Variants in CDH12 observed in about 807,000 individuals in gnomAD.
CDH12 encodes the protein cadherin 12, also known as cadherin-12.
In CDH12, 41 loss-of-function variants were observed where a neutral mutation model predicts 74.1. That is an observed-to-expected ratio of 0.55 (90% CI 0.43 to 0.72). CDH12 has a LOEUF of 0.72. Ranked by LOEUF, CDH12 falls within the 30% of genes least tolerant of loss-of-function variation. CDH12 has a pLI of 0.00. For missense variants in CDH12, 945 were observed against 977.2 expected (o/e 0.97, Z 0.44); for synonymous variants, 399 against 355.0 (o/e 1.12, Z -1.39).
intron 2 of CDH12, among the ~76,000 whole-genome samples, chr5:22,487,497 C>T (rs1340420335): frequency 6.6e-6 from 1 of 152,060 alleles, no homozygotes; most frequent in African/African-American, 2.4e-5. Flanking sequence ...AGGTGAAAGA[C>T]AGTGAAACTT....
intron 6 of CDH12, among the ~76,000 whole-genome samples, chr5:21,935,911 C>T (rs549120636): frequency 1.3e-5 from 2 of 152,158 alleles, no homozygotes; most frequent in Non-Finnish European, 2.9e-5. Context: ...CACATTGTAG[C>T]AAATGACAGG....
Position 22,664,705 on chromosome 5 carries a change from G to A in CDH12, c.-522-159341C>T, listed in dbSNP as rs1019388209. Reference sequence around the variant, plus strand: ...TCTGTTAAACCATCACAATAACTACGTAAGGTTGTTATACCCATTCTACAT... The same window carrying A: ...TCTGTTAAACCATCACAATAACTACATAAGGTTGTTATACCCATTCTACAT... On this transcript the variant is annotated intron_variant, in intron 1 of 14. Coordinates refer to ENST00000382254, the MANE Select transcript of CDH12 (RefSeq NM_004061.5). Among the ~76,000 whole-genome samples, 5 of 152,156 alleles carry A rather than the reference G, an allele frequency of 3.3e-5. No individual in the cohort carries two copies. The East Asian group carries it at 5.8e-4, about 18-fold the overall frequency.
rs567394020 is a variant in CDH12, at chr5:21,984,568, C to T, written c.232-9183G>A. 3.9e-5 allele frequency among the ~76,000 whole-genome samples: 6 copies of T among 152,296 alleles called. No homozygotes were observed. In the South Asian group the frequency reaches 1.0e-3, roughly 26 times the overall value. Reference sequence around the variant, plus strand: ...CAGTCACCAATCTTTCACCTATGTGCAATGTTACAGAAATTGGCCATCTTC... The same window carrying T: ...CAGTCACCAATCTTTCACCTATGTGTAATGTTACAGAAATTGGCCATCTTC... On this transcript the variant is annotated intron_variant, in intron 5 of 14. Transcript: ENST00000382254.
intron 5 of CDH12, among the ~76,000 whole-genome samples, chr5:21,998,799 T>C (rs1381637394): frequency 2.0e-5 from 3 of 152,156 alleles, no homozygotes; most frequent in Non-Finnish European, 4.4e-5. Context: ...CTACCCTTCA[T>C]TGCATGATAG....
Position 22,152,291 on chromosome 5 carries a change from TATTA to T in CDH12, c.-187+60203_-187+60206del, listed in dbSNP as rs540765145. 3.4e-3 allele frequency: 514 copies of T among 152,324 alleles called. 6 individuals are homozygous for T. The highest frequency in any genetic ancestry group is 0.011 in the African/African-American group (473 of 41,574). 9.4% of individuals were successfully genotyped at this position (152,324 alleles called of 1,614,324 possible). A position where few individuals can be genotyped will look rare whatever the true frequency, so the allele number is the denominator to read the frequency against. On this transcript the variant is annotated intron_variant, in intron 4 of 14. Transcript: ENST00000382254. ...AACAAAACTAAAACGACTTATTATT[TATTA>T]ATTATGTTGTGGCAGACAATATGCT... is the stretch of plus-strand genomic sequence containing the variant.
rs530901595 is a variant in CDH12 at position 21,964,728 on chromosome 5, T to A, written c.526+10363A>T. On this transcript the variant is annotated intron_variant, in intron 6 of 14. Transcript: ENST00000382254. The stretch of plus-strand genomic sequence containing the variant: ...TGGTTCAAGTAATGCATAAACAAGA[T>A]GTATTTTTAAAAATACATTATATTT... 1.2e-3 allele frequency among the ~76,000 whole-genome samples: 189 copies of A among 152,174 alleles called. No homozygotes were observed. In the Middle Eastern group the frequency reaches 0.014, roughly 11 times the overall value.
intron 3 of CDH12, among the ~76,000 whole-genome samples, chr5:22,353,821 C>T (rs1017730216): frequency 3.3e-5 from 5 of 152,026 alleles, no homozygotes; most frequent in Admixed American, 1.3e-4. Flanking sequence ...TAGTGATGTG[C>T]GTTTAAACTA....
intron 1 of CDH12, among the ~76,000 whole-genome samples, chr5:22,732,404 T>C (rs933435215): frequency 6.6e-6 from 1 of 151,626 alleles, no homozygotes; most frequent in Admixed American, 6.6e-5. Context: ...CTTCAACATA[T>C]GGATTTGAGA....
At chr5:21,861,376 A>G (rs1042599985) in intron 6 of CDH12, among the ~76,000 whole-genome samples, 4 of 152,050 alleles carry the variant, frequency 2.6e-5, no homozygotes, top group African/African-American at 9.7e-5. Context: ...GTATGGTGCA[A>G]TTGCATTAAT....
chr5:22,495,859 G>A (rs989396178), intron 2 of CDH12, among the ~76,000 whole-genome samples: 4 of 152,060 alleles, frequency 2.6e-5, no homozygotes, highest in Non-Finnish European at 1.5e-5. Context: ...TTGACATCGG[G>A]GAAACACAGA....
chr5:22,259,131 T>C (rs1753425404), intron 3 of CDH12, among the ~76,000 whole-genome samples: 1 of 152,158 alleles, frequency 6.6e-6, no homozygotes, highest in African/African-American at 2.4e-5. Flanking sequence ...CTGAACAATA[T>C]ATAAACTCAA....
intron 1 of CDH12, among the ~76,000 whole-genome samples, chr5:22,744,530 A>G (rs1258781107): frequency 6.6e-6 from 1 of 152,190 alleles, no homozygotes; most frequent in Non-Finnish European, 1.5e-5. Flanking sequence ...ATTTTACATT[A>G]TTTATTTTAC....
intron 3 of CDH12, among the ~76,000 whole-genome samples, chr5:22,400,704 C>A (rs1414843589): frequency 6.6e-6 from 1 of 152,058 alleles, no homozygotes; most frequent in Non-Finnish European, 1.5e-5. Flanking sequence ...CAATGAAATG[C>A]TTTTTAGCCC....
chr5:22,622,192 T>C (rs1035266762), intron 1 of CDH12, among the ~76,000 whole-genome samples: 7 of 151,852 alleles, frequency 4.6e-5, no homozygotes, highest in African/African-American at 1.7e-4. Context: ...CTAGACAAAG[T>C]TATAAATAAG....
intron 1 of CDH12, among the ~76,000 whole-genome samples, chr5:22,821,459 A>T (rs1352947691): frequency 6.6e-6 from 1 of 152,196 alleles, no homozygotes; most frequent in Non-Finnish European, 1.5e-5. Context: ...CTGTTTGGAG[A>T]TGACATGATT....
At chr5:22,039,635 G>A (rs924429795) in intron 5 of CDH12, among the ~76,000 whole-genome samples, 9 of 152,024 alleles carry the variant, frequency 5.9e-5, no homozygotes, top group Non-Finnish European at 1.3e-4. Flanking sequence ...TTGCCACTGA[G>A]GACCCTAAAA....
At chr5:22,589,910 C>G (rs998943451) in intron 1 of CDH12, among the ~76,000 whole-genome samples, 4 of 152,046 alleles carry the variant, frequency 2.6e-5, no homozygotes, top group Non-Finnish European at 4.4e-5. Flanking sequence ...CCTTTGGGTT[C>G]TAACCCACTA....
chr5:21,988,408 C>T (rs554112965), intron 5 of CDH12, among the ~76,000 whole-genome samples: 3 of 139,468 alleles, frequency 2.2e-5, no homozygotes, highest in South Asian at 4.8e-4. Flanking sequence ...AGGAGAATGG[C>T]GTGAACCCAG....
In CDH12 at chr5:22,851,583, A is replaced by G. The variant is rs556243696; in HGVS notation, c.-523+1475T>C. On this transcript the variant is annotated intron_variant, in intron 1 of 14. Transcript: ENST00000382254. ...AGTAGTTTTCATAGAAGGTGGAGAGACAGTTTCTAAATATTGTTGCTGAAT... is the reference window on the plus strand; with the variant it reads ...AGTAGTTTTCATAGAAGGTGGAGAGGCAGTTTCTAAATATTGTTGCTGAAT... Among the ~76,000 whole-genome samples the G allele has an allele frequency of 1.3e-3, 193 of 152,242 alleles. 2 individuals are homozygous for G. The highest frequency in any genetic ancestry group is 1.9e-3 in the South Asian group (9 of 4,826).
Sources: allele counts gnomAD v4.1 joint callset (sites outside exome capture counted in the v4.1 genomes callset), GRCh38; gene constraint gnomAD v4.1.1; transcripts MANE v1.5; gene names NCBI Gene and HGNC (gene_info 2026-07-23, HGNC 2026-07-21).